The following FBXW11 variants were observed in gnomAD, a reference collection of about 807,000 sequenced individuals.
FBXW11 encodes F-box/WD repeat-containing protein 11.
FBXW11 carries 19 observed loss-of-function variants against 77.6 expected under a neutral mutation model. That is an observed-to-expected ratio of 0.24 (90% CI 0.17 to 0.36). The LOEUF is 0.36. FBXW11 is among the 10% of genes least tolerant of loss of function. The probability of loss-of-function intolerance (pLI) is 1.00; values close to 1 mark genes in which losing one functional copy is unlikely to be tolerated. For missense variants in FBXW11, 334 were observed against 704.2 expected (o/e 0.47, Z 5.95); for synonymous variants, 235 against 249.4 (o/e 0.94, Z 0.54).
At chr5:171,929,244 G>A (rs114686658) in intron 2 of FBXW11, among the ~76,000 whole-genome samples, 2,032 of 151,512 alleles carry the variant, frequency 0.013, 37 homozygotes, top group African/African-American at 0.043. Flanking sequence ...GGTGGCACGC[G>A]CCTCTAATTC....
intron 10 of FBXW11, among the ~76,000 whole-genome samples, chr5:171,872,591 C>G (rs1210000874): frequency 6.6e-6 from 1 of 152,192 alleles, no homozygotes; most frequent in Non-Finnish European, 1.5e-5. Flanking sequence ...TGCACTGCAG[C>G]ACCCTAGCCT....
intron 13 of FBXW11, among the ~76,000 whole-genome samples, chr5:171,866,606 G>A (rs931184010): frequency 3.8e-4 from 58 of 152,172 alleles, no homozygotes; most frequent in African/African-American, 1.2e-3. Context: ...GCACTTTTAG[G>A]TAATATATAG....
intron 2 of FBXW11, among the ~76,000 whole-genome samples, chr5:171,923,909 C>CTTTTTTT (rs70982354): frequency 1.2e-4 from 6 of 49,192 alleles, no homozygotes; most frequent in African/African-American, 3.6e-4. Flanking sequence ...GAAACCCCAC[C>CTTTTTTT]TTTTTTTTTT....
rs1561668094 is a variant in FBXW11, at chr5:171,904,395, C to A, written c.437-4295G>T. On this transcript the variant is annotated intron_variant, in intron 4 of 13. Coordinates refer to ENST00000517395, the MANE Select transcript of FBXW11 (RefSeq NM_001378974.1). The surrounding 1 kb of genome is among the most constrained non-coding windows in gnomAD (Gnocchi z 4.0). ...CATCATCTGTGACGGGAAAGCAGCA[C>A]CCAAACCTTCAACCTATCTGGGTGG... Among the ~76,000 whole-genome samples, 1 of 152,028 alleles carries A rather than the reference C, an allele frequency of 6.6e-6. No homozygotes were observed.
intron 2 of FBXW11, among the ~76,000 whole-genome samples, chr5:171,944,377 C>A (rs1762895841): frequency 6.6e-6 from 1 of 151,650 alleles, no homozygotes. Context: ...AGATCAAGAC[C>A]ATCCTGGCTA....
chr5:171,936,152 A>G (rs1345338739), intron 2 of FBXW11, among the ~76,000 whole-genome samples: 2 of 151,234 alleles, frequency 1.3e-5, no homozygotes, highest in Non-Finnish European at 2.9e-5. Context: ...AAGTCTGAAG[A>G]TAACAGAAGA....
intron 1 of FBXW11, among the ~76,000 whole-genome samples, chr5:171,968,995 C>T (rs1362958811): frequency 6.6e-6 from 1 of 152,142 alleles, no homozygotes; most frequent in Non-Finnish European, 1.5e-5. Flanking sequence ...AGGGGCCGGG[C>T]GTGGTGGCTC....
intron 1 of FBXW11, chr5:171,997,134 C>CA (rs1358855937): frequency 8.6e-7 from 1 of 1,165,026 alleles, no homozygotes; most frequent in African/African-American, 1.6e-5. Flanking sequence ...AAGGAAGGGT[C>CA]AATGGAATGG....
At chr5:171,911,671 C>T (rs758722556) in intron 3 of FBXW11, among the ~76,000 whole-genome samples, 4 of 152,168 alleles carry the variant, frequency 2.6e-5, no homozygotes, top group Non-Finnish European at 4.4e-5. Context: ...CTGCATCTTA[C>T]GTAGGTGGTT....
intron 1 of FBXW11, among the ~76,000 whole-genome samples, chr5:171,977,110 C>T (rs1221342450): frequency 6.6e-6 from 1 of 150,706 alleles, no homozygotes; most frequent in Non-Finnish European, 1.5e-5. Flanking sequence ...GAGGATGAGA[C>T]AGGAAGATCA....
intron 7 of FBXW11, among the ~76,000 whole-genome samples, chr5:171,887,734 T>C (rs568407905): frequency 2.7e-4 from 41 of 152,266 alleles, no homozygotes; most frequent in African/African-American, 9.9e-4. Context: ...CCTGGCTCAC[T>C]GCAACCTCTG....
chr5:171,992,696 A>G (rs1195797236), intron 1 of FBXW11, among the ~76,000 whole-genome samples: 1 of 152,100 alleles, frequency 6.6e-6, no homozygotes, highest in Admixed American at 6.5e-5. Flanking sequence ...CTGAGTAATC[A>G]TGTAACTGTA....
intron 2 of FBXW11, among the ~76,000 whole-genome samples, chr5:171,920,547 G>C (rs554662298): frequency 6.6e-6 from 1 of 151,932 alleles, no homozygotes; most frequent in East Asian, 1.9e-4. Flanking sequence ...ACAACACAGT[G>C]AGACTCTATC....
chr5:172,002,420 G>A (rs1174327959), intron 1 of FBXW11, among the ~76,000 whole-genome samples: 2 of 151,204 alleles, frequency 1.3e-5, no homozygotes, highest in African/African-American at 4.9e-5. Context: ...ATAAATGTGT[G>A]TGTGTGTGTG....
chr5:171,907,189 A>C (rs1760583505), intron 4 of FBXW11, among the ~76,000 whole-genome samples: 1 of 152,242 alleles, frequency 6.6e-6, no homozygotes, highest in South Asian at 2.1e-4. Flanking sequence ...CTGAGCCAAA[A>C]GGAGCCAGAG....
chr5:171,921,173 G>A (rs777752038), intron 2 of FBXW11, among the ~76,000 whole-genome samples: 4 of 152,078 alleles, frequency 2.6e-5, no homozygotes, highest in Admixed American at 6.6e-5. Flanking sequence ...ACCAATCAAC[G>A]GAAGTGGTAG....
chr5:171,866,251 C>T (rs1757382300), intron 13 of FBXW11, among the ~76,000 whole-genome samples: 1 of 142,926 alleles, frequency 7.0e-6, no homozygotes, highest in African/African-American at 2.6e-5. Flanking sequence ...GGTGACAGAG[C>T]AAGACATTGT....
chr5:171,882,284 T>C (rs926313731), intron 7 of FBXW11, among the ~76,000 whole-genome samples: 3 of 152,172 alleles, frequency 2.0e-5, no homozygotes, highest in Non-Finnish European at 4.4e-5. Context: ...CACCCACACA[T>C]GCACACATGT....
chr5:171,878,599 A>AGTGTGTGTGTGTGTGTGTGTGTGTGTGT (rs2113788066), intron 7 of FBXW11, among the ~76,000 whole-genome samples: 1 of 108,286 alleles, frequency 9.2e-6, no homozygotes, highest in Non-Finnish European at 2.0e-5. Context: ...TGTAAGAGAG[A>AGTGTGTGTGTGTGTGTGTGTGTGTGTGT]GAGAGTGTGT....
Sources: allele counts gnomAD v4.1 joint callset (sites outside exome capture counted in the v4.1 genomes callset), GRCh38; gene constraint gnomAD v4.1.1; non-coding constraint Gnocchi (gnomAD v3.1); transcripts MANE v1.5; gene names NCBI Gene and HGNC (gene_info 2026-07-23, HGNC 2026-07-21).